CYTH1: variants seen among roughly 807,000 people sequenced by gnomAD.
The protein encoded by CYTH1 is cytohesin-1.
In CYTH1, 18 loss-of-function variants were observed where a neutral mutation model predicts 61.8. That is an observed-to-expected ratio of 0.29 (90% CI 0.20 to 0.43). CYTH1 has a LOEUF of 0.43. Ranked by LOEUF, CYTH1 falls within the 20% of genes least tolerant of loss-of-function variation. The probability of loss-of-function intolerance (pLI) is 1.00; values close to 1 mark genes in which losing one functional copy is unlikely to be tolerated. For synonymous variants in CYTH1, 174 were observed against 184.3 expected (o/e 0.94, Z 0.45); for missense variants, 336 against 510.5 (o/e 0.66, Z 3.29).
chr17:78,750,350 A>C (rs1166971616), intron 1 of CYTH1, among the ~76,000 whole-genome samples: 6 of 152,212 alleles, frequency 3.9e-5, no homozygotes, highest in Non-Finnish European at 8.8e-5. Context: ...AGAGGGACAC[A>C]GCACCAGGGG....
intron 11 of CYTH1, among the ~76,000 whole-genome samples, chr17:78,690,162 G>A (rs751082626): frequency 2.0e-5 from 3 of 151,892 alleles, no homozygotes; most frequent in African/African-American, 7.3e-5. Flanking sequence ...TTGGAAGGCT[G>A]AGATGGGCGG....
rs947518672 is a variant in CYTH1 at position 78,782,100 on chromosome 17, T to A, written c.22+102A>T. 6 of 1,028,586 alleles carry A rather than the reference T, an allele frequency of 5.8e-6. No individual in the cohort carries two copies. The East Asian group carries it at 2.4e-4, about 42-fold the overall frequency. The allele number at this position is 1,028,586 out of a possible 1,614,324, so 63.7% of individuals were successfully genotyped here. A position where few individuals can be genotyped will look rare whatever the true frequency, so the allele number is the denominator to read the frequency against. On this transcript the variant is annotated intron_variant, in intron 1 of 13. Transcript: ENST00000446868. ...CCGGGCTCCGCGTCCCGCACCAGTG[T>A]CCCCGGGAAACGCCAGCCGCCGCAA...
At chr17:78,770,466 G>A (rs963700374) in intron 1 of CYTH1, among the ~76,000 whole-genome samples, 1 of 151,604 alleles carries the variant, frequency 6.6e-6, no homozygotes, top group African/African-American at 2.4e-5. Context: ...TCACCCAGGC[G>A]GGAGTGCAGT....
chr17:78,750,275 A>G (rs192704851), intron 1 of CYTH1, among the ~76,000 whole-genome samples: 126 of 152,338 alleles, frequency 8.3e-4, no homozygotes, highest in Non-Finnish European at 1.4e-3. Context: ...ATATCAAAAC[A>G]TTCAAAACAT....
intron 1 of CYTH1, among the ~76,000 whole-genome samples, chr17:78,711,302 A>AAT (rs139889127): frequency 3.2e-4 from 42 of 132,246 alleles, no homozygotes; most frequent in African/African-American, 6.3e-4. Context: ...ATAAATAAAT[A>AAT]ATATATATAT....
chr17:78,734,598 C>T (rs1598894807), intron 1 of CYTH1, among the ~76,000 whole-genome samples: 2 of 151,888 alleles, frequency 1.3e-5, no homozygotes, highest in Admixed American at 6.6e-5. Context: ...TGCCACCACA[C>T]CCGGCTAATT....
At chr17:78,678,688 G>A (rs547813559) in intron 13 of CYTH1, among the ~76,000 whole-genome samples, 7 of 152,282 alleles carry the variant, frequency 4.6e-5, no homozygotes, top group East Asian at 3.9e-4. Flanking sequence ...CCGTGGCACC[G>A]CGTCTGCTCA....
rs142193292 is a variant in CYTH1 at position 78,746,176 on chromosome 17, G to A, written c.22+36026C>T. Among the ~76,000 whole-genome samples, 310 of 152,172 alleles carry A rather than the reference G, an allele frequency of 2.0e-3. 1 individual carries two copies. Among genetic ancestry groups the A allele is most frequent in the African/African-American group, 7.3e-3 (302 of 41,508 alleles). ...TGCTAGAAAGTGATGGGTGCTATGG[G>A]GAAAAGAGAAGTATGTGGCAGGGGG... On this transcript the variant is annotated intron_variant, in intron 1 of 13. Coordinates refer to ENST00000446868, the MANE Select transcript of CYTH1 (RefSeq NM_004762.6).
intron 1 of CYTH1, among the ~76,000 whole-genome samples, chr17:78,777,152 G>A (rs949266601): frequency 4.0e-5 from 6 of 150,484 alleles, no homozygotes; most frequent in African/African-American, 1.5e-4. Context: ...AAGGCCGGGC[G>A]CGGTGGCTCA....
At chr17:78,725,749 G>C (rs1398723235) in intron 1 of CYTH1, among the ~76,000 whole-genome samples, 1 of 152,188 alleles carries the variant, frequency 6.6e-6, no homozygotes, top group Non-Finnish European at 1.5e-5. Context: ...GCCAGAGACT[G>C]CAGGTGGCAA....
At chr17:78,726,046 T>TC (rs1598886326) in intron 1 of CYTH1, among the ~76,000 whole-genome samples, 1 of 149,558 alleles carries the variant, frequency 6.7e-6, no homozygotes, top group East Asian at 1.9e-4. Flanking sequence ...AACAGTCTTT[T>TC]TTTTTTTTTT....
chr17:78,703,429 A>C (rs1220149364), intron 3 of CYTH1, among the ~76,000 whole-genome samples: 2 of 151,830 alleles, frequency 1.3e-5, no homozygotes, highest in Admixed American at 6.6e-5. Context: ...AAAAAAAAAA[A>C]AAAAAACTTT....
At chr17:78,745,813 A>G (rs2093357492) in intron 1 of CYTH1, among the ~76,000 whole-genome samples, 1 of 152,184 alleles carries the variant, frequency 6.6e-6, no homozygotes, top group Admixed American at 6.5e-5. Context: ...AATTGCTTCA[A>G]TCCAGGAGGC....
At chr17:78,680,816 G>A (rs1483426071) in intron 12 of CYTH1, among the ~76,000 whole-genome samples, 155 bp downstream of exon 12, 1 of 152,184 alleles carries the variant, frequency 6.6e-6, no homozygotes. Flanking sequence ...AAGTGATTTC[G>A]AGTCTCATCT....
intron 11 of CYTH1, among the ~76,000 whole-genome samples, chr17:78,688,373 T>C (rs1052617445): frequency 6.6e-6 from 1 of 152,238 alleles, no homozygotes; most frequent in Admixed American, 6.5e-5. Context: ...GTTGTCTTGT[T>C]GTCAACATCG....
chr17:78,781,486 G>C (rs772173137), intron 1 of CYTH1, among the ~76,000 whole-genome samples: 1 of 152,158 alleles, frequency 6.6e-6, no homozygotes, highest in Non-Finnish European at 1.5e-5. Flanking sequence ...CCAGTCAGGG[G>C]AGGAGCGGCG....
intron 1 of CYTH1, among the ~76,000 whole-genome samples, chr17:78,767,423 C>T (rs981014188): frequency 5.9e-5 from 9 of 152,086 alleles, no homozygotes; most frequent in African/African-American, 1.7e-4. Flanking sequence ...CCACGTGAAC[C>T]GCCCTACACT....
At chr17:78,747,195 G>GAT (rs1220179484) in intron 1 of CYTH1, among the ~76,000 whole-genome samples, 1 of 148,942 alleles carries the variant, frequency 6.7e-6, no homozygotes, top group Non-Finnish European at 1.5e-5. Flanking sequence ...GCATGCTAAG[G>GAT]ATCAGGCTCT....
intron 1 of CYTH1, among the ~76,000 whole-genome samples, chr17:78,726,406 G>A (rs553125912): frequency 6.6e-6 from 1 of 150,390 alleles, no homozygotes; most frequent in South Asian, 2.1e-4. Context: ...TGTGGAAGAG[G>A]CCCCCTGTCA....
Sources: allele counts gnomAD v4.1 joint callset (sites outside exome capture counted in the v4.1 genomes callset), GRCh38; gene constraint gnomAD v4.1.1; transcripts MANE v1.5; gene names NCBI Gene and HGNC (gene_info 2026-07-23, HGNC 2026-07-21).